The following PIEZO2 variants were observed in gnomAD, a reference collection of about 807,000 sequenced individuals.
The protein encoded by PIEZO2 is piezo-type mechanosensitive ion channel component 2.
A neutral mutation model predicts 337.3 loss-of-function variants in PIEZO2; 172 were observed. The ratio of observed to expected loss-of-function variants is 0.51; its 90% CI spans 0.45 to 0.58. PIEZO2 has a LOEUF of 0.58. Ranked by LOEUF, PIEZO2 falls within the 20% of genes least tolerant of loss-of-function variation. PIEZO2 has a pLI of 0.00. For missense variants in PIEZO2, 3,028 were observed against 3,391.3 expected (o/e 0.89, Z 2.66); for synonymous variants, 1,251 against 1,228.5 (o/e 1.02, Z -0.38).
intron 49 of PIEZO2, among the ~76,000 whole-genome samples, chr18:10,687,633 C>G (rs995440383): frequency 3.9e-5 from 6 of 152,182 alleles, no homozygotes; most frequent in African/African-American, 1.4e-4. Context: ...GGCCTTTAAA[C>G]TTGCTCCAAG....
rs1487805329 is a variant in PIEZO2, at chr18:11,033,477, A to G, written c.160+32650T>C. Among the ~76,000 whole-genome samples, 1 of 152,218 alleles carries G rather than the reference A, an allele frequency of 6.6e-6. No individual in the cohort carries two copies. Among genetic ancestry groups the G allele is most frequent in the African/African-American group, 2.4e-5 (1 of 41,454 alleles). On this transcript the variant is annotated intron_variant, in intron 2 of 55. Coordinates refer to ENST00000674853, the MANE Select transcript of PIEZO2 (RefSeq NM_001378183.1). This position sits in a 1 kb window ranked among gnomAD's most constrained non-coding sequence, Gnocchi z 4.2. ...TAATGTCAAAGTTAGCATAATGTTG[A>G]TTTAGAGAAAGTGACATTTTGCCAT...
chr18:10,921,317 G>A (rs886616452), intron 3 of PIEZO2, among the ~76,000 whole-genome samples: 4 of 152,148 alleles, frequency 2.6e-5, no homozygotes, highest in African/African-American at 9.6e-5. Flanking sequence ...ACCCCAAACA[G>A]AGGGACCGGC....
At chr18:10,956,254 G>C (rs1262732039) in intron 3 of PIEZO2, among the ~76,000 whole-genome samples, 1 of 152,094 alleles carries the variant, frequency 6.6e-6, no homozygotes, top group Non-Finnish European at 1.5e-5. Flanking sequence ...ACAAAAAACT[G>C]TCCAAAAATA....
Position 10,759,873 on chromosome 18 carries a change from G to T in PIEZO2, c.3487C>A (p.Arg1163=), listed in dbSNP as rs1203151992. The change falls in exon 25 of 56, where the codon CGA becomes AGA. Residue 1163 remains arginine (R), a synonymous_variant. Coordinates refer to ENST00000674853, the MANE Select transcript of PIEZO2 (RefSeq NM_001378183.1). This position sits in a 1 kb window ranked among gnomAD's most constrained non-coding sequence, Gnocchi z 5.5. Reference sequence around the variant, plus strand: ...TGGATCATGGCATAGAAATCCATTCGCTGGCCAATGACGTTAACTGACATT... The same window carrying T: ...TGGATCATGGCATAGAAATCCATTCTCTGGCCAATGACGTTAACTGACATT... ...FLMSVNVIGQ[R]MDFYAMIHAC... The T allele has an allele frequency of 3.3e-6, 5 of 1,537,460 alleles. No homozygotes were observed. The highest frequency in any genetic ancestry group is 2.4e-5 in the South Asian group (2 of 84,062).
At position 11,070,769 on chromosome 18, in the gene PIEZO2, C is replaced by A. The variant is rs1033402913; in HGVS notation, c.65-4547G>T. On this transcript the variant is annotated intron_variant, in intron 1 of 55. Coordinates refer to ENST00000674853, the MANE Select transcript of PIEZO2 (RefSeq NM_001378183.1). The surrounding 1 kb of genome is among the most constrained non-coding windows in gnomAD (Gnocchi z 4.3). ...AAGCTGGAAGCAAGAAGGGGAGGCC[C>A]GGGAGACTGAGCAGAGGACGCCAGG... is the stretch of plus-strand genomic sequence containing the variant. 6.6e-6 allele frequency among the ~76,000 whole-genome samples: 1 copy of A among 152,098 alleles called. No homozygotes were observed. The highest frequency in any genetic ancestry group is 1.5e-5 in the Non-Finnish European group (1 of 68,034).
intron 1 of PIEZO2, among the ~76,000 whole-genome samples, chr18:11,075,264 T>C (rs1274214076): frequency 6.6e-6 from 1 of 152,200 alleles, no homozygotes; most frequent in East Asian, 1.9e-4. Flanking sequence ...TTCAAAATTA[T>C]GGTTATTTTA....
At chr18:10,753,118 A>G (rs2037708741) in intron 27 of PIEZO2, among the ~76,000 whole-genome samples, 1 of 152,234 alleles carries the variant, frequency 6.6e-6, no homozygotes. Context: ...AATTTCTCAC[A>G]AACAACAACA....
rs1186502862 is a variant in PIEZO2, at chr18:11,047,718, C to G, written c.160+18409G>C. Among the ~76,000 whole-genome samples the G allele has an allele frequency of 2.0e-5, 3 of 152,022 alleles. No individual in the cohort carries two copies. Among genetic ancestry groups the G allele is most frequent in the Non-Finnish European group, 4.4e-5 (3 of 68,038 alleles). ...GCAGCCACCACACTGGGAGTTAGGGCCTTTCTCCACAACAACTAAGAGTAT... is the reference window on the plus strand; with the variant it reads ...GCAGCCACCACACTGGGAGTTAGGGGCTTTCTCCACAACAACTAAGAGTAT... On this transcript the variant is annotated intron_variant, in intron 2 of 55. Transcript: ENST00000674853. This position sits in a 1 kb window ranked among gnomAD's most constrained non-coding sequence, Gnocchi z 7.2.
chr18:10,815,941 G>A lies in PIEZO2; in HGVS notation c.918-8667C>T, dbSNP rs1331244130. On this transcript the variant is annotated intron_variant, in intron 7 of 55. Coordinates refer to ENST00000674853, the MANE Select transcript of PIEZO2 (RefSeq NM_001378183.1). The surrounding 1 kb of genome is among the most constrained non-coding windows in gnomAD (Gnocchi z 4.1). ...GTCCACAAAATTGCACCCAGCACAC[G>A]TCAGTGGAGTGGAAACATCATCAGT... Among the ~76,000 whole-genome samples, 2 of 152,128 alleles carry A rather than the reference G, an allele frequency of 1.3e-5. No homozygotes were observed. The highest frequency in any genetic ancestry group is 2.1e-4 in the South Asian group (1 of 4,818).
intron 2 of PIEZO2, among the ~76,000 whole-genome samples, chr18:11,014,030 G>A (rs540989174): frequency 6.6e-6 from 1 of 152,352 alleles, no homozygotes; most frequent in South Asian, 2.1e-4. Flanking sequence ...GGGATGGTTT[G>A]CTGGGTCATG....
Position 10,894,236 on chromosome 18 carries a change from T to C in PIEZO2, c.329+16950A>G, listed in dbSNP as rs1173583125. On this transcript the variant is annotated intron_variant, in intron 4 of 55. Transcript: ENST00000674853. This position sits in a 1 kb window ranked among gnomAD's most constrained non-coding sequence, Gnocchi z 4.1. ...GGAAGGCCGATGGGGGCGGATCACCTGAGGTCAGGAGTTGAGACCAGCCTG... is the reference window on the plus strand; with the variant it reads ...GGAAGGCCGATGGGGGCGGATCACCCGAGGTCAGGAGTTGAGACCAGCCTG... Among the ~76,000 whole-genome samples the C allele has an allele frequency of 6.6e-6, 1 of 152,076 alleles. No individual in the cohort carries two copies. The highest frequency in any genetic ancestry group is 1.5e-5 in the Non-Finnish European group (1 of 68,002).
Position 11,131,842 on chromosome 18 carries a change from C to T in PIEZO2, c.64+16683G>A, listed in dbSNP as rs542140633. Among the ~76,000 whole-genome samples, 42 of 152,244 alleles carry T rather than the reference C, an allele frequency of 2.8e-4. No individual in the cohort carries two copies. Among genetic ancestry groups the T allele is most frequent in the African/African-American group, 9.4e-4 (39 of 41,540 alleles). On this transcript the variant is annotated intron_variant, in intron 1 of 55. Coordinates refer to ENST00000674853, the MANE Select transcript of PIEZO2 (RefSeq NM_001378183.1). The surrounding 1 kb of genome is among the most constrained non-coding windows in gnomAD (Gnocchi z 5.3). Reference sequence around the variant, plus strand: ...GTGGAGGAGGAGTTTAATAATGAAGCGGATAGGATGACCTGTTGTGTGGAC... The same window carrying T: ...GTGGAGGAGGAGTTTAATAATGAAGTGGATAGGATGACCTGTTGTGTGGAC...
rs2040187585 is a variant in PIEZO2, at chr18:11,126,496, C to A, written c.64+22029G>T. 6.6e-6 allele frequency among the ~76,000 whole-genome samples: 1 copy of A among 152,098 alleles called. No homozygotes were observed. The highest frequency in any genetic ancestry group is 6.6e-5 in the Admixed American group (1 of 15,252). ...GTGCCAGTTTCTTGGTCATCTCCCG[C>A]CATCATTCAAAATACTCCAAGGCCC... On this transcript the variant is annotated intron_variant, in intron 1 of 55. Coordinates refer to ENST00000674853, the MANE Select transcript of PIEZO2 (RefSeq NM_001378183.1). This position sits in a 1 kb window ranked among gnomAD's most constrained non-coding sequence, Gnocchi z 4.6.
At chr18:10,951,035 C>CAAAAAA (rs2033269566) in intron 3 of PIEZO2, among the ~76,000 whole-genome samples, 1 of 152,134 alleles carries the variant, frequency 6.6e-6, no homozygotes, top group African/African-American at 2.4e-5. Context: ...ACACTCAGGG[C>CAAAAAA]ACACAACATT....
rs1385296495 is a variant in PIEZO2 at position 10,982,881 on chromosome 18, T to C, written c.161-3221A>G. ...CATTACAGGCGTGCACTACCAAACCTGACTAATTTTTGTATTTTTGGTAGA... is the reference window on the plus strand; with the variant it reads ...CATTACAGGCGTGCACTACCAAACCCGACTAATTTTTGTATTTTTGGTAGA... On this transcript the variant is annotated intron_variant, in intron 2 of 55. Transcript: ENST00000674853. The surrounding 1 kb of genome is among the most constrained non-coding windows in gnomAD (Gnocchi z 4.1). 1.3e-5 allele frequency among the ~76,000 whole-genome samples: 2 copies of C among 151,972 alleles called. No homozygotes were observed. The highest frequency in any genetic ancestry group is 2.9e-5 in the Non-Finnish European group (2 of 67,978).
intron 5 of PIEZO2, among the ~76,000 whole-genome samples, chr18:10,869,136 A>G (rs759048537): frequency 1.3e-5 from 2 of 152,254 alleles, no homozygotes; most frequent in Non-Finnish European, 2.9e-5. Context: ...GCACTGTGGC[A>G]GGTGCTTTTT....
chr18:10,704,728 A>G lies in PIEZO2; in HGVS notation c.6000-76T>C. On this transcript the variant is annotated intron_variant, in intron 41 of 55. Coordinates refer to ENST00000674853, the MANE Select transcript of PIEZO2 (RefSeq NM_001378183.1). ...AGATGGAGTTTTGCTCTTGTTGCCC[A>G]GGCTGGAGTGCAATGGCGTGATCTT... 4 of 1,471,840 alleles carry G rather than the reference A, an allele frequency of 2.7e-6. No individual in the cohort carries two copies. In the South Asian group the frequency reaches 4.0e-5, roughly 15 times the overall value. 91.2% of individuals were successfully genotyped at this position (1,471,840 alleles called of 1,614,324 possible). A position where few individuals can be genotyped will look rare whatever the true frequency, so the allele number is the denominator to read the frequency against.
intron 2 of PIEZO2, among the ~76,000 whole-genome samples, chr18:11,053,558 A>G (rs1366051596): frequency 6.6e-6 from 1 of 152,240 alleles, no homozygotes; most frequent in Non-Finnish European, 1.5e-5. Flanking sequence ...CTGGGGCTAC[A>G]GACAGGTGCC....
intron 4 of PIEZO2, among the ~76,000 whole-genome samples, chr18:10,875,094 C>G (rs78505851): frequency 0.06 from 9,059 of 152,006 alleles, 301 homozygotes; most frequent in African/African-American, 0.093. Flanking sequence ...ACAATTATTA[C>G]AAATCAACTT....
Sources: allele counts gnomAD v4.1 joint callset (sites outside exome capture counted in the v4.1 genomes callset), GRCh38; gene constraint gnomAD v4.1.1; non-coding constraint Gnocchi (gnomAD v3.1); transcripts MANE v1.5; gene names NCBI Gene and HGNC (gene_info 2026-07-23, HGNC 2026-07-21).